The following DPYSL2 variants were observed in gnomAD, a reference collection of about 807,000 sequenced individuals.
The protein encoded by DPYSL2 is dihydropyrimidinase like 2, also known as dihydropyrimidinase-related protein 2.
DPYSL2 carries 13 observed loss-of-function variants against 69.9 expected under a neutral mutation model. The ratio of observed to expected loss-of-function variants is 0.19; its 90% CI spans 0.12 to 0.30. DPYSL2 has a LOEUF of 0.30. DPYSL2 is among the 10% of genes least tolerant of loss of function. The probability of loss-of-function intolerance (pLI) is 1.00; values close to 1 mark genes in which losing one functional copy is unlikely to be tolerated. For missense variants in DPYSL2, 587 were observed against 918.9 expected, an observed-to-expected ratio of 0.64 and a Z score of 4.67; for synonymous variants, 326 against 359.1, an observed-to-expected ratio of 0.91 and a Z score of 1.04.
chr8:26,556,416 A>C (rs1445453698), intron 1 of DPYSL2, among the ~76,000 whole-genome samples: 1 of 118,298 alleles, frequency 8.5e-6, no homozygotes. Flanking sequence ...TTTTATATGT[A>C]ATTGTCTATG....
intron 1 of DPYSL2, among the ~76,000 whole-genome samples, chr8:26,556,019 AAT>A (rs1386928993): frequency 1.2e-4 from 12 of 102,080 alleles, no homozygotes; most frequent in African/African-American, 3.2e-4. Context: ...TATATATATA[AAT>A]ATATATATAA....
intron 1 of DPYSL2, among the ~76,000 whole-genome samples, chr8:26,559,754 T>C (rs1801043879): frequency 6.6e-6 from 1 of 152,234 alleles, no homozygotes; most frequent in Non-Finnish European, 1.5e-5. Flanking sequence ...ATTTAAATTT[T>C]CTATATCATC....
At chr8:26,569,880 C>T (rs1187619386) in intron 1 of DPYSL2, among the ~76,000 whole-genome samples, 3 of 151,868 alleles carry the variant, frequency 2.0e-5, no homozygotes, top group African/African-American at 4.8e-5. Context: ...AGCTTGGGGA[C>T]GTAACACAGG....
At chr8:26,636,026 G>A (rs1802907229) in intron 8 of DPYSL2, among the ~76,000 whole-genome samples, 2 of 152,146 alleles carry the variant, frequency 1.3e-5, no homozygotes, top group South Asian at 4.1e-4. Context: ...TCCCAGAGAT[G>A]ATGACTTCCA....
rs2130007200 is a variant in DPYSL2, at chr8:26,655,775, C to A, written c.*69C>A. The A allele has an allele frequency of 4.0e-5, 45 of 1,127,856 alleles. No homozygotes were observed. Among genetic ancestry groups the A allele is most frequent in the Middle Eastern group, 2.3e-4 (1 of 4,340 alleles). 69.9% of individuals were successfully genotyped at this position (1,127,856 alleles called of 1,614,324 possible). ...CCTGAGGACATTCTGAGACTTCTTT[C>A]TTCCTTCCTTTTTTTTTTTTTGTTT... is the stretch of plus-strand genomic sequence containing the variant. On this transcript the variant is annotated 3_prime_UTR_variant, in exon 14 of 14. Coordinates refer to ENST00000521913, the MANE Select transcript of DPYSL2 (RefSeq NM_001197293.3).
At chr8:26,632,286 G>GAAAGTT (rs1311044581) in intron 7 of DPYSL2, among the ~76,000 whole-genome samples, 1 of 152,192 alleles carries the variant, frequency 6.6e-6, no homozygotes, top group Non-Finnish European at 1.5e-5. Flanking sequence ...AAACAGATAA[G>GAAAGTT]AAAGTGATCC....
Position 26,591,112 on chromosome 8 carries a change from G to C in DPYSL2, c.628+7129G>C, listed in dbSNP as rs1355166530. On this transcript the variant is annotated intron_variant, in intron 3 of 13. Coordinates refer to ENST00000521913, the MANE Select transcript of DPYSL2 (RefSeq NM_001197293.3). This position sits in a 1 kb window ranked among gnomAD's most constrained non-coding sequence, Gnocchi z 5.8. ...GTGGTGATCTTCCACCCCTTCAGGTGCCCTCATCCCAGTTCCTACTCTGCC... is the reference window on the plus strand; with the variant it reads ...GTGGTGATCTTCCACCCCTTCAGGTCCCCTCATCCCAGTTCCTACTCTGCC... 6.6e-6 allele frequency among the ~76,000 whole-genome samples: 1 copy of C among 152,196 alleles called. No individual in the cohort carries two copies. The highest frequency in any genetic ancestry group is 1.5e-5 in the Non-Finnish European group (1 of 68,036).
In DPYSL2 at chr8:26,593,872, A is replaced by C. The variant is rs555679217; in HGVS notation, c.628+9889A>C. ...GTGTTTATGACCTAATCACTCTCTA[A>C]TGATAGGTCAGGACTGGAATCTTTC... On this transcript the variant is annotated intron_variant, in intron 3 of 13. Transcript: ENST00000521913. This position sits in a 1 kb window ranked among gnomAD's most constrained non-coding sequence, Gnocchi z 5.7. Among the ~76,000 whole-genome samples, 22 of 152,276 alleles carry C rather than the reference A, an allele frequency of 1.4e-4. No homozygotes were observed. Among genetic ancestry groups the C allele is most frequent in the African/African-American group, 5.3e-4 (22 of 41,562 alleles).
intron 8 of DPYSL2, 151 bp downstream of exon 8, chr8:26,635,051 G>T: frequency 8.4e-7 from 1 of 1,185,048 alleles, no homozygotes; most frequent in South Asian, 1.6e-5. Context: ...AGCCGGGCAA[G>T]GCAGGAGCTC....
chr8:26,540,817 A>G (rs1166017031), intron 1 of DPYSL2, among the ~76,000 whole-genome samples: 3 of 150,410 alleles, frequency 2.0e-5, no homozygotes, highest in Non-Finnish European at 1.5e-5. Flanking sequence ...AGGCAGGAGA[A>G]TTGCTTGAAC....
At chr8:26,594,159 A>G (rs114970235) in intron 3 of DPYSL2, among the ~76,000 whole-genome samples, 1,738 of 152,258 alleles carry the variant, frequency 0.011, 29 homozygotes, top group African/African-American at 0.039. Flanking sequence ...CTAGATGGCT[A>G]TTTCCACATG....
At chr8:26,536,586 G>A (rs544984274) in intron 1 of DPYSL2, among the ~76,000 whole-genome samples, 2 of 152,074 alleles carry the variant, frequency 1.3e-5, no homozygotes, top group Non-Finnish European at 2.9e-5. Flanking sequence ...AGGGAGAATC[G>A]CCTGAACCCA....
chr8:26,571,975 T>C lies in DPYSL2; in HGVS notation c.355-9994T>C, dbSNP rs919660335. 6.6e-6 allele frequency among the ~76,000 whole-genome samples: 1 copy of C among 152,240 alleles called. No individual in the cohort carries two copies. The highest frequency in any genetic ancestry group is 2.4e-5 in the African/African-American group (1 of 41,456). On this transcript the variant is annotated intron_variant, in intron 1 of 13. Transcript: ENST00000521913. This position sits in a 1 kb window ranked among gnomAD's most constrained non-coding sequence, Gnocchi z 6.1. Reference sequence around the variant, plus strand: ...GTGTCCTAGTCAATGCCCTTTGTTTTGGCAAAGAAGGATTCCAGTACCTTC... The same window carrying C: ...GTGTCCTAGTCAATGCCCTTTGTTTCGGCAAAGAAGGATTCCAGTACCTTC...
At position 26,627,239 on chromosome 8, in the gene DPYSL2, C is replaced by T. The variant is rs1407296629; in HGVS notation, c.880C>T (p.Arg294Trp). 4.3e-6 allele frequency: 7 copies of T among 1,614,168 alleles called. No homozygotes were observed. The highest frequency in any genetic ancestry group is 5.9e-6 in the Non-Finnish European group (7 of 1,180,014). ...GATTTATGAAGTACTGAGTGTGATC[C>T]GGGATATTGGCGCCATAGCCCAAGT... ...CQIYEVLSVI[R>W]DIGAIAQVHA... The change falls in exon 6 of 14, where the codon CGG becomes TGG. Residue 294 changes from arginine to tryptophan, a missense_variant. Physicochemically the swap from Arg to Trp is moderately radical, Grantham distance 101. Transcript: ENST00000521913. The surrounding 1 kb of genome is among the most constrained non-coding windows in gnomAD (Gnocchi z 6.9).
rs1243632318 is a variant in DPYSL2, at chr8:26,597,558, T to C, written c.628+13575T>C. Among the ~76,000 whole-genome samples the C allele has an allele frequency of 1.3e-5, 2 of 152,088 alleles. No individual in the cohort carries two copies. The highest frequency in any genetic ancestry group is 2.4e-5 in the African/African-American group (1 of 41,414). ...GGCTTGATCTCAGCTCACTGCAAGCTCCGCCTCCCAGGTTCACGCCATTCT... is the reference window on the plus strand; with the variant it reads ...GGCTTGATCTCAGCTCACTGCAAGCCCCGCCTCCCAGGTTCACGCCATTCT... On this transcript the variant is annotated intron_variant, in intron 3 of 13. Transcript: ENST00000521913. This position sits in a 1 kb window ranked among gnomAD's most constrained non-coding sequence, Gnocchi z 5.2.
intron 1 of DPYSL2, among the ~76,000 whole-genome samples, chr8:26,568,233 G>C (rs984471714): frequency 1.3e-5 from 2 of 152,182 alleles, no homozygotes; most frequent in Admixed American, 6.5e-5. Context: ...ATGACACTGT[G>C]GGGGTGGAGA....
chr8:26,602,343 A>G (rs1341252800), intron 3 of DPYSL2, among the ~76,000 whole-genome samples: 2 of 152,054 alleles, frequency 1.3e-5, no homozygotes, highest in African/African-American at 2.4e-5. Flanking sequence ...TCGTCCTCCT[A>G]AATCCCGCAA....
chr8:26,614,070 C>T lies in DPYSL2; in HGVS notation c.629-10073C>T, dbSNP rs953744876. On this transcript the variant is annotated intron_variant, in intron 3 of 13. Transcript: ENST00000521913. This position sits in a 1 kb window ranked among gnomAD's most constrained non-coding sequence, Gnocchi z 4.9. ...GCTTGAGTCCTGGAAATCAAGGCTG[C>T]GGTCAGCCAGATTGCACCACAGCAT... Among the ~76,000 whole-genome samples, 3 of 152,034 alleles carry T rather than the reference C, an allele frequency of 2.0e-5. No individual in the cohort carries two copies. Among genetic ancestry groups the T allele is most frequent in the Non-Finnish European group, 2.9e-5 (2 of 68,006 alleles).
chr8:26,546,937 A>G (rs1037573079), intron 1 of DPYSL2, among the ~76,000 whole-genome samples: 5 of 149,914 alleles, frequency 3.3e-5, no homozygotes, highest in Non-Finnish European at 4.5e-5. Flanking sequence ...AAAAAAAAAA[A>G]AAAAAAAAAA....
Sources: gnomAD v4.1 joint callset for allele counts (sites outside exome capture counted in the v4.1 genomes callset) on GRCh38, gnomAD v4.1.1 for gene constraint, Gnocchi (gnomAD v3.1) non-coding constraint, MANE v1.5 for transcripts, NCBI Gene and HGNC (gene_info 2026-07-23, HGNC 2026-07-21) for gene names.